PPM1L: variants seen among roughly 807,000 people sequenced by gnomAD.
PPM1L encodes protein phosphatase 1L.
PPM1L carries 13 observed loss-of-function variants against 31.4 expected under a neutral mutation model. The ratio of observed to expected loss-of-function variants is 0.41; its 90% CI spans 0.27 to 0.66. The LOEUF is 0.66. PPM1L is among the 30% of genes least tolerant of loss of function. The probability of loss-of-function intolerance (pLI) is 0.29; values close to 1 mark genes in which losing one functional copy is unlikely to be tolerated. For synonymous variants in PPM1L, 184 were observed against 175.4 expected, an observed-to-expected ratio of 1.05 and a Z score of -0.39; for missense variants, 326 against 453.7, an observed-to-expected ratio of 0.72 and a Z score of 2.56.
At chr3:160,880,251 A>G (rs886486641) in intron 1 of PPM1L, among the ~76,000 whole-genome samples, 10 of 152,222 alleles carry the variant, frequency 6.6e-5, no homozygotes, top group African/African-American at 2.2e-4. Flanking sequence ...CCTAATAGAC[A>G]TTAAGAATTT....
chr3:160,963,115 A>G (rs1716018412), intron 2 of PPM1L, among the ~76,000 whole-genome samples: 1 of 152,016 alleles, frequency 6.6e-6, no homozygotes, highest in South Asian at 2.1e-4. Context: ...AGTCCCAACC[A>G]AAATAATATT....
At chr3:160,778,638 G>A (rs1489215577) in intron 1 of PPM1L, among the ~76,000 whole-genome samples, 1 of 152,184 alleles carries the variant, frequency 6.6e-6, no homozygotes, top group Non-Finnish European at 1.5e-5. Flanking sequence ...CTGTCCCAGT[G>A]GTTCTCAGCA....
intron 2 of PPM1L, among the ~76,000 whole-genome samples, chr3:161,051,383 C>CAA (rs1328462537): frequency 1.3e-5 from 2 of 151,716 alleles, no homozygotes; most frequent in African/African-American, 4.9e-5. Context: ...TACACACACA[C>CAA]ACACACACAC....
chr3:161,043,019 CAAA>C (rs746897902), intron 2 of PPM1L, among the ~76,000 whole-genome samples: 1 of 107,502 alleles, frequency 9.3e-6, no homozygotes. Context: ...GATTCTGTCT[CAAA>C]AAAAAAAAAA....
At chr3:160,973,393 C>A (rs1368390945) in intron 2 of PPM1L, among the ~76,000 whole-genome samples, 2 of 152,194 alleles carry the variant, frequency 1.3e-5, no homozygotes, top group African/African-American at 4.8e-5. Flanking sequence ...TATCCAGAGA[C>A]AAGATGCCAA....
At chr3:160,871,472 G>T (rs1259273113) in intron 1 of PPM1L, among the ~76,000 whole-genome samples, 2 of 152,184 alleles carry the variant, frequency 1.3e-5, no homozygotes, top group Non-Finnish European at 2.9e-5. Flanking sequence ...TGAGACAGAA[G>T]CATGAAGAGA....
chr3:160,871,429 C>G (rs1712302102), intron 1 of PPM1L, among the ~76,000 whole-genome samples: 1 of 152,152 alleles, frequency 6.6e-6, no homozygotes, highest in African/African-American at 2.4e-5. Context: ...TGTTCTTCAT[C>G]TCTGCTAAGG....
At chr3:161,045,017 G>A (rs1323910516) in intron 2 of PPM1L, among the ~76,000 whole-genome samples, 1 of 152,122 alleles carries the variant, frequency 6.6e-6, no homozygotes, top group Non-Finnish European at 1.5e-5. Context: ...GATCAAAAGA[G>A]ACAAAGAAGG....
intron 1 of PPM1L, among the ~76,000 whole-genome samples, chr3:160,933,531 A>C (rs1001686091): frequency 6.6e-6 from 1 of 152,162 alleles, no homozygotes; most frequent in African/African-American, 2.4e-5. Context: ...CTGTTTGAGC[A>C]TCCCCCACCT....
At chr3:161,011,465 T>C (rs917341268) in intron 2 of PPM1L, among the ~76,000 whole-genome samples, 3 of 152,186 alleles carry the variant, frequency 2.0e-5, no homozygotes, top group African/African-American at 7.2e-5. Context: ...CCTCCAGCTT[T>C]GTTCTTTTGG....
chr3:160,939,365 C>T (rs1202769571), intron 1 of PPM1L, among the ~76,000 whole-genome samples: 1 of 152,130 alleles, frequency 6.6e-6, no homozygotes, highest in Non-Finnish European at 1.5e-5. Flanking sequence ...TGGATTGCTA[C>T]CCAGCCCATT....
intron 2 of PPM1L, among the ~76,000 whole-genome samples, chr3:161,062,846 G>A (rs187058012): frequency 3.6e-4 from 55 of 152,200 alleles, no homozygotes; most frequent in Admixed American, 7.9e-4. Context: ...CCTTTCCTTG[G>A]ATCCCCTGGA....
At chr3:160,797,672 C>G (rs796914801) in intron 1 of PPM1L, among the ~76,000 whole-genome samples, 6 of 152,296 alleles carry the variant, frequency 3.9e-5, no homozygotes, top group African/African-American at 7.2e-5. Flanking sequence ...AGTAAGACAG[C>G]CTTCTTGCCA....
intron 2 of PPM1L, among the ~76,000 whole-genome samples, chr3:160,966,417 A>G (rs1247496761): frequency 6.6e-6 from 1 of 152,094 alleles, no homozygotes; most frequent in Non-Finnish European, 1.5e-5. Context: ...GATATCTGGT[A>G]GTTTTATTGT....
intron 1 of PPM1L, among the ~76,000 whole-genome samples, chr3:160,931,376 G>C (rs1428863397): frequency 6.6e-6 from 1 of 151,996 alleles, no homozygotes; most frequent in Non-Finnish European, 1.5e-5. Context: ...CCATCACCTG[G>C]AATCCACACG....
chr3:160,979,107 A>G (rs1365001711), intron 2 of PPM1L, among the ~76,000 whole-genome samples: 4 of 152,064 alleles, frequency 2.6e-5, no homozygotes, highest in Non-Finnish European at 4.4e-5. Context: ...TCCTAACTCA[A>G]ACCTAAATAA....
At chr3:161,068,750 A>C (rs1719819696) in intron 3 of PPM1L, 61 bp from the exon 4 acceptor site, 1 of 1,395,020 alleles carries the variant, frequency 7.2e-7, no homozygotes, top group Non-Finnish European at 9.9e-7. Context: ...ACGTACCTAG[A>C]CTATCCCAGG....
intron 1 of PPM1L, among the ~76,000 whole-genome samples, chr3:160,935,201 A>T (rs1334558510): frequency 1.3e-5 from 2 of 152,252 alleles, no homozygotes; most frequent in Admixed American, 1.3e-4. Flanking sequence ...GTCGTCAGGG[A>T]CTGCTCAACT....
chr3:160,826,063 A>G (rs1713349107), intron 1 of PPM1L, among the ~76,000 whole-genome samples: 1 of 151,992 alleles, frequency 6.6e-6, no homozygotes, highest in African/African-American at 2.4e-5. Context: ...TGCCTGCCAG[A>G]CCCTGTGCTG....
Sources: gnomAD v4.1 joint callset for allele counts (sites outside exome capture counted in the v4.1 genomes callset) on GRCh38, gnomAD v4.1.1 for gene constraint, MANE v1.5 for transcripts, NCBI Gene and HGNC (gene_info 2026-07-23, HGNC 2026-07-21) for gene names.